Variants in BLMH observed in about 807,000 individuals in gnomAD.
The protein encoded by BLMH is bleomycin hydrolase.
A neutral mutation model predicts 61.6 loss-of-function variants in BLMH; 32 were observed. The observed-to-expected ratio is 0.52, with a 90% confidence interval of 0.39 to 0.70. The LOEUF is 0.70. Ranked by LOEUF, BLMH falls within the 30% of genes least tolerant of loss-of-function variation. The pLI is 0.00. For synonymous variants in BLMH, 183 were observed against 193.8 expected (o/e 0.94, Z 0.46); for missense variants, 460 against 555.5 (o/e 0.83, Z 1.73).
chr17:30,260,520 T>C (rs1244905464), intron 11 of BLMH, among the ~76,000 whole-genome samples: 2 of 152,168 alleles, frequency 1.3e-5, no homozygotes, highest in Admixed American at 6.6e-5. Flanking sequence ...CTATTCCATC[T>C]ACATACACTA....
Position 30,274,192 on chromosome 17 carries a change from G to A in BLMH, c.651C>T (p.Phe217=). The change falls in exon 7 of 12, where the codon TTC becomes TTT. Residue 217 remains phenylalanine (F), a synonymous_variant. Coordinates refer to ENST00000261714, the MANE Select transcript of BLMH (RefSeq NM_000386.4). ...ATQDVMMEEI[F]RVVCICLGNP... is the part of the protein sequence containing the mutation. ...TACCCAAACAGATGCACACCACTCG[G>A]AATATCTGGAAGAGAGGAGGAGGAA... 6.2e-7 allele frequency: 1 copy of A among 1,613,792 alleles called. No homozygotes were observed. The highest frequency in any genetic ancestry group is 8.5e-7 in the Non-Finnish European group (1 of 1,179,940).
At chr17:30,279,710 G>C (rs1420320685) in intron 6 of BLMH, among the ~76,000 whole-genome samples, 1 of 152,168 alleles carries the variant, frequency 6.6e-6, no homozygotes, top group Non-Finnish European at 1.5e-5. Flanking sequence ...GCTGAGGTGG[G>C]AGGATAACTT....
chr17:30,254,315 C>A (rs1907755591), intron 11 of BLMH, among the ~76,000 whole-genome samples: 1 of 152,140 alleles, frequency 6.6e-6, no homozygotes, highest in African/African-American at 2.4e-5. Flanking sequence ...AGCTGGACTA[C>A]CAAGGCCTCA....
chr17:30,290,681 T>C (rs775625406), intron 2 of BLMH, among the ~76,000 whole-genome samples: 1 of 152,196 alleles, frequency 6.6e-6, no homozygotes, highest in South Asian at 2.1e-4. Context: ...CTTATTTAGA[T>C]TGCTGGATAT....
Position 30,255,770 on chromosome 17 carries a change from G to A in BLMH, c.1217-6602C>T, listed in dbSNP as rs1008000169. On this transcript the variant is annotated intron_variant, in intron 11 of 11. Coordinates refer to ENST00000261714, the MANE Select transcript of BLMH (RefSeq NM_000386.4). ...AAATTAGCTGGGCATGGTGGCGTGT[G>A]CCTGTAGTCCCAGTCACTCGGGAGG... Among the ~76,000 whole-genome samples the A allele has an allele frequency of 2.0e-5, 3 of 152,116 alleles. No individual in the cohort carries two copies. In the East Asian group the frequency reaches 5.8e-4, roughly 29 times the overall value.
intron 11 of BLMH, among the ~76,000 whole-genome samples, chr17:30,252,553 A>G (rs1907699122): frequency 6.6e-6 from 1 of 150,880 alleles, no homozygotes; most frequent in African/African-American, 2.5e-5. Context: ...AAAAAAAAAA[A>G]AAAAAATTAG....
chr17:30,272,582 A>G lies in BLMH; in HGVS notation c.1007T>C (p.Leu336Pro), dbSNP rs1908306118. The G allele has an allele frequency of 6.2e-7, 1 of 1,614,232 alleles. No homozygotes were observed. The highest frequency in any genetic ancestry group is 8.5e-7 in the Non-Finnish European group (1 of 1,180,044). The change falls in exon 9 of 12, where the codon CTG becomes CCG. Residue 336 changes from leucine (L) to proline (P), a missense_variant. By Grantham distance (98) the Leu-to-Pro change is moderately conservative (BLOSUM62 -3). This residue lies in a region of BLMH where 310 missense variants were observed against 371.1 expected (regional missense o/e 0.84). Coordinates refer to ENST00000261714, the MANE Select transcript of BLMH (RefSeq NM_000386.4). ...CDVGKHFNSK[L>P]GLSDMNLYDH... The stretch of plus-strand genomic sequence containing the variant: ...TCACAGATTCATGTCACTGAGGCCC[A>G]GCTTGCTATTGAAGTGTTTTCCAAC...
chr17:30,266,267 C>T (rs1054156032), intron 11 of BLMH, among the ~76,000 whole-genome samples: 21 of 152,108 alleles, frequency 1.4e-4, no homozygotes, highest in African/African-American at 5.1e-4. Context: ...GTGGCTCACA[C>T]CTGTAATCCT....
At chr17:30,262,176 T>C (rs1244186467) in intron 11 of BLMH, among the ~76,000 whole-genome samples, 1 of 152,216 alleles carries the variant, frequency 6.6e-6, no homozygotes, top group Non-Finnish European at 1.5e-5. Context: ...TTGTTACTTA[T>C]CATATTGAGA....
intron 6 of BLMH, among the ~76,000 whole-genome samples, chr17:30,279,732 G>A (rs1456030757): frequency 6.6e-6 from 1 of 152,134 alleles, no homozygotes. Flanking sequence ...AGCCTGGGAG[G>A]TTGAGGCTGC....
At chr17:30,271,968 CATTA>C (rs1567835641) in intron 9 of BLMH, among the ~76,000 whole-genome samples, 4 of 152,132 alleles carry the variant, frequency 2.6e-5, no homozygotes, top group African/African-American at 9.7e-5. Context: ...TTTTAAACCT[CATTA>C]ATTCTTTTTT....
chr17:30,271,233 C>T, intron 10 of BLMH, 38 bp downstream of exon 10: 2 of 1,386,382 alleles, frequency 1.4e-6, no homozygotes, highest in Non-Finnish European at 2.1e-6. Flanking sequence ...GTAGATCCAT[C>T]TGTGCAAACA....
At chr17:30,259,420 C>T (rs1301877433) in intron 11 of BLMH, among the ~76,000 whole-genome samples, 2 of 152,156 alleles carry the variant, frequency 1.3e-5, no homozygotes, top group East Asian at 3.9e-4. Flanking sequence ...CTTCCTGACG[C>T]CCTCTAGTCC....
In BLMH at chr17:30,265,102, C is replaced by CT. The variant is rs113092734; in HGVS notation, c.1216+1782dup. Among the ~76,000 whole-genome samples the CT allele has an allele frequency of 9.6e-3, 1,470 of 152,334 alleles. 20 individuals are homozygous for CT. The highest frequency in any genetic ancestry group is 0.033 in the African/African-American group (1,379 of 41,574). On this transcript the variant is annotated intron_variant, in intron 11 of 11. Transcript: ENST00000261714. ...GAAATCACAGAAGGTAGACATGTAA[C>CT]TATCTGATGATGAAGAGAAATGCAG...
At chr17:30,275,457 G>A (rs1432837810) in intron 6 of BLMH, among the ~76,000 whole-genome samples, 1 of 151,980 alleles carries the variant, frequency 6.6e-6, no homozygotes, top group Non-Finnish European at 1.5e-5. Context: ...TCAGGAGTTT[G>A]AGACCAGCCT....
At chr17:30,285,150 T>C (rs976303414) in intron 6 of BLMH, among the ~76,000 whole-genome samples, 7 of 152,234 alleles carry the variant, frequency 4.6e-5, no homozygotes, top group Non-Finnish European at 5.9e-5. Flanking sequence ...ATTTATGAAA[T>C]GATAAAAGAA....
intron 6 of BLMH, among the ~76,000 whole-genome samples, chr17:30,282,290 T>G (rs1343118149): frequency 6.6e-6 from 1 of 150,570 alleles, no homozygotes; most frequent in African/African-American, 2.5e-5. Context: ...GTGGCACAAT[T>G]TTGGTCTCCA....
chr17:30,255,338 G>C (rs1907784134), intron 11 of BLMH, among the ~76,000 whole-genome samples: 1 of 152,202 alleles, frequency 6.6e-6, no homozygotes, highest in Non-Finnish European at 1.5e-5. Flanking sequence ...ATCAAGGTTT[G>C]TGTAAGTACA....
chr17:30,280,483 T>C (rs1908556780), intron 6 of BLMH, among the ~76,000 whole-genome samples: 1 of 152,110 alleles, frequency 6.6e-6, no homozygotes, highest in Non-Finnish European at 1.5e-5. Flanking sequence ...CAACTTCTTT[T>C]TATTTTTTTA....
Sources: allele counts gnomAD v4.1 joint callset (sites outside exome capture counted in the v4.1 genomes callset), GRCh38; gene constraint gnomAD v4.1.1; regional missense constraint gnomAD v4.1.1; transcripts MANE v1.5; gene names NCBI Gene and HGNC (gene_info 2026-07-23, HGNC 2026-07-21).